SGIP1: variants seen among roughly 807,000 people sequenced by gnomAD.
SGIP1 encodes SH3GL interacting endocytic adaptor 1, also known as SH3-containing GRB2-like protein 3-interacting protein 1.
Under a neutral mutation model 107.5 loss-of-function variants are expected in SGIP1, and 38 were observed. The observed-to-expected ratio is 0.35, with a 90% CI of 0.27 to 0.46. SGIP1 has a LOEUF of 0.46. Among genes scored for constraint, SGIP1 ranks in the 20% least tolerant of loss-of-function variants. The pLI, the probability that SGIP1 is intolerant of heterozygous loss-of-function variation, is 1.00. For synonymous variants in SGIP1, 365 were observed against 366.1 expected, an observed-to-expected ratio of 1.00 and a Z score of 0.03; for missense variants, 929 against 1,019.5, an observed-to-expected ratio of 0.91 and a Z score of 1.21.
At chr1:66,658,946 G>T (rs1439559480) in intron 7 of SGIP1, among the ~76,000 whole-genome samples, 2 of 152,156 alleles carry the variant, frequency 1.3e-5, no homozygotes, top group Admixed American at 6.5e-5. Flanking sequence ...GGGAGAAGCA[G>T]CATGGGCAGG....
intron 1 of SGIP1, among the ~76,000 whole-genome samples, chr1:66,588,638 CTTTTTTTT>C (rs35096597): frequency 1.0e-4 from 10 of 98,668 alleles, no homozygotes; most frequent in African/African-American, 2.9e-4. Flanking sequence ...CTAGTTAGTT[CTTTTTTTT>C]TTTTTTTTTT....
intron 1 of SGIP1, among the ~76,000 whole-genome samples, chr1:66,565,575 G>T (rs2059530769): frequency 6.6e-6 from 1 of 151,868 alleles, no homozygotes; most frequent in Non-Finnish European, 1.5e-5. Flanking sequence ...AGTGAGAGAG[G>T]TATGAGCAGA....
chr1:66,741,771 A>AT (rs71590351), intron 24 of SGIP1, among the ~76,000 whole-genome samples: 18,525 of 146,712 alleles, frequency 0.13, 1,612 homozygotes, highest in East Asian at 0.41. Context: ...ATTTTTATTT[A>AT]TTTTTTTTTT....
At chr1:66,712,526 T>C (rs148830217) in intron 18 of SGIP1, among the ~76,000 whole-genome samples, 50 of 152,298 alleles carry the variant, frequency 3.3e-4, no homozygotes, top group African/African-American at 1.1e-3. Flanking sequence ...AACCTTCTTA[T>C]ACTTGTATTC....
rs551428192 is a variant in SGIP1, at chr1:66,653,021, A to G, written c.460-7492A>G. On this transcript the variant is annotated intron_variant, in intron 7 of 24. Coordinates refer to ENST00000371037, the MANE Select transcript of SGIP1 (RefSeq NM_032291.4). ...CATGGGGCATATAAACTGCCACTCC[A>G]TCCCCAAATCTTCCACAGACATTGC... Among the ~76,000 whole-genome samples the G allele has an allele frequency of 9.4e-4, 143 of 152,288 alleles. 1 individual carries two copies. The South Asian group carries it at 0.029, about 31-fold the overall frequency.
At chr1:66,660,973 G>A (rs2081355056) in intron 8 of SGIP1, among the ~76,000 whole-genome samples, 1 of 152,060 alleles carries the variant, frequency 6.6e-6, no homozygotes, top group South Asian at 2.1e-4. Flanking sequence ...GAAGCTGGGG[G>A]GTTTTATTTT....
intron 7 of SGIP1, among the ~76,000 whole-genome samples, chr1:66,658,210 A>G (rs1362272954): frequency 6.6e-6 from 1 of 152,230 alleles, no homozygotes; most frequent in Admixed American, 6.5e-5. Context: ...GTTTTAGTTC[A>G]AGGACTGAAA....
intron 17 of SGIP1, among the ~76,000 whole-genome samples, chr1:66,693,208 G>A (rs2090236986): frequency 6.6e-6 from 1 of 151,196 alleles, no homozygotes; most frequent in Non-Finnish European, 1.5e-5. Context: ...CAGGAATTCA[G>A]GACAAGCCTG....
intron 20 of SGIP1, among the ~76,000 whole-genome samples, chr1:66,732,471 C>T (rs2094057400): frequency 6.6e-6 from 1 of 152,132 alleles, no homozygotes; most frequent in African/African-American, 2.4e-5. Context: ...ATTTTCCACC[C>T]CCTTCCTCCA....
rs535334179 is a variant in SGIP1, at chr1:66,572,512, T to C, written c.10+38144T>C. Among the ~76,000 whole-genome samples the C allele has an allele frequency of 3.9e-5, 6 of 152,254 alleles. No homozygotes were observed. In the South Asian group the frequency reaches 8.3e-4, roughly 21 times the overall value. On this transcript the variant is annotated intron_variant, in intron 1 of 24. Transcript: ENST00000371037. ...GGTTCCTCCCCGAAATATGTCCTTATGGAGGTTGCTCCCAGGCTGTTTAGC... is the reference window on the plus strand; with the variant it reads ...GGTTCCTCCCCGAAATATGTCCTTACGGAGGTTGCTCCCAGGCTGTTTAGC...
Position 66,670,999 on chromosome 1 carries a change from C to A in SGIP1, c.488C>A (p.Ala163Glu). ...VRKSPRRSPG[A>E]IKRNLSSEEV... Reference sequence around the variant, plus strand: ...AGTGTCTATTTCTAATTCTAGGGTGCAATTAAAAGGAACTTATCCAGTAAG... The same window carrying A: ...AGTGTCTATTTCTAATTCTAGGGTGAAATTAAAAGGAACTTATCCAGTAAG... Residue 163 changes from alanine to glutamate, a missense_variant, in exon 10 of 25, where the codon GCA becomes GAA. By Grantham distance (107) the Ala-to-Glu change is moderately radical. Coordinates refer to ENST00000371037, the MANE Select transcript of SGIP1 (RefSeq NM_032291.4). The A allele has an allele frequency of 1.5e-6, 2 of 1,379,176 alleles. No homozygotes were observed. The highest frequency in any genetic ancestry group is 2.8e-5 in the South Asian group (2 of 71,996). 85.4% of individuals were successfully genotyped at this position (1,379,176 alleles called of 1,614,324 possible).
intron 3 of SGIP1, 92 bp from the exon 4 acceptor site, chr1:66,635,852 G>A (rs2075672675): frequency 1.5e-6 from 2 of 1,320,752 alleles, no homozygotes; most frequent in Non-Finnish European, 2.2e-6. Context: ...TCTATGGTAT[G>A]TTTGCTGACT....
chr1:66,568,664 C>T (rs1191854473), intron 1 of SGIP1, among the ~76,000 whole-genome samples: 1 of 151,340 alleles, frequency 6.6e-6, no homozygotes, highest in East Asian at 1.9e-4. Flanking sequence ...TTTGAGATAT[C>T]CACCATGATC....
intron 1 of SGIP1, among the ~76,000 whole-genome samples, chr1:66,537,912 T>C (rs2054015069): frequency 6.6e-6 from 1 of 152,118 alleles, no homozygotes; most frequent in Admixed American, 6.6e-5. Context: ...TCTAGGAACC[T>C]CTTAGTTTTG....
At position 66,745,832 on chromosome 1, in the gene SGIP1, G is replaced by A. The variant is rs966729979; in HGVS notation, c.*2737G>A. ...CTTTTCCAATAAAATCCATATTTTC[G>A]TGAAATTTTTAAAAATAAATTTGTA... is the stretch of plus-strand genomic sequence containing the variant. On this transcript the variant is annotated 3_prime_UTR_variant, in exon 25 of 25. Coordinates refer to ENST00000371037, the MANE Select transcript of SGIP1 (RefSeq NM_032291.4). The A allele has an allele frequency of 5.3e-5, 8 of 151,872 alleles. No individual in the cohort carries two copies. Among genetic ancestry groups the A allele is most frequent in the Non-Finnish European group, 7.4e-5 (5 of 67,922 alleles). 9.4% of individuals were successfully genotyped at this position (151,872 alleles called of 1,614,324 possible). A position where few individuals can be genotyped will look rare whatever the true frequency, so the allele number is the denominator to read the frequency against.
intron 2 of SGIP1, chr1:66,626,135 T>C (rs1182591457): frequency 4.5e-6 from 1 of 221,210 alleles, no homozygotes; most frequent in Non-Finnish European, 8.0e-6. Context: ...TTTTCTTTCT[T>C]TCTTTTTTTT....
chr1:66,573,389 C>T (rs1229635146), intron 1 of SGIP1, among the ~76,000 whole-genome samples: 1 of 152,016 alleles, frequency 6.6e-6, no homozygotes, highest in African/African-American at 2.4e-5. Context: ...ACCACTTAAC[C>T]CAGCAATCTC....
chr1:66,729,559 G>A, intron 20 of SGIP1, 140 bp downstream of exon 20: 1 of 1,170,666 alleles, frequency 8.5e-7, no homozygotes, highest in South Asian at 1.6e-5. Flanking sequence ...TTCAAGCACA[G>A]AACTTTTACC....
chr1:66,624,671 C>G (rs2072158541), intron 1 of SGIP1, among the ~76,000 whole-genome samples: 1 of 152,152 alleles, frequency 6.6e-6, no homozygotes, highest in Admixed American at 6.6e-5. Flanking sequence ...CATTGTTTTT[C>G]CCTTTGTTCC....
Sources: gnomAD v4.1 joint callset for allele counts (sites outside exome capture counted in the v4.1 genomes callset) on GRCh38, gnomAD v4.1.1 for gene constraint, MANE v1.5 for transcripts, NCBI Gene and HGNC (gene_info 2026-07-23, HGNC 2026-07-21) for gene names.